DLGAP1: variants seen among roughly 807,000 people sequenced by gnomAD.
DLGAP1 encodes DLG associated protein 1.
A neutral mutation model predicts 90.8 loss-of-function variants in DLGAP1; 11 were observed. That is an observed-to-expected ratio of 0.12 (90% CI 0.08 to 0.20). The LOEUF (loss-of-function observed/expected upper bound fraction) is 0.20. Among genes scored for constraint, DLGAP1 ranks in the 10% least tolerant of loss-of-function variants. The probability of loss-of-function intolerance (pLI) is 1.00; values close to 1 mark genes in which losing one functional copy is unlikely to be tolerated. For synonymous variants in DLGAP1, 558 were observed against 540.7 expected, an observed-to-expected ratio of 1.03 and a Z score of -0.44; for missense variants, 1,050 against 1,333.8, an observed-to-expected ratio of 0.79 and a Z score of 3.31.
intron 4 of DLGAP1, among the ~76,000 whole-genome samples, chr18:3,854,172 C>T (rs2069498613): frequency 1.3e-5 from 2 of 152,140 alleles, no homozygotes; most frequent in Non-Finnish European, 2.9e-5. Flanking sequence ...AAAATGTAGA[C>T]TGGATAGGAG....
At chr18:3,619,227 A>G (rs1009882396) in intron 7 of DLGAP1, among the ~76,000 whole-genome samples, 3 of 152,196 alleles carry the variant, frequency 2.0e-5, no homozygotes, top group Non-Finnish European at 4.4e-5. Context: ...AAACTAACAT[A>G]CCCACAAACA....
chr18:4,385,112 A>G (rs147811052), intron 1 of DLGAP1, among the ~76,000 whole-genome samples: 2 of 152,292 alleles, frequency 1.3e-5, no homozygotes, highest in South Asian at 4.1e-4. Context: ...TACAGTAGGA[A>G]GGGAGGGTAG....
intron 1 of DLGAP1, among the ~76,000 whole-genome samples, chr18:4,322,947 A>C (rs1213266460): frequency 2.1e-4 from 13 of 62,286 alleles, no homozygotes; most frequent in African/African-American, 7.0e-4. Flanking sequence ...GGCACAGAAA[A>C]AAAAAAAAAA....
At chr18:4,093,906 G>A (rs747534616) in intron 2 of DLGAP1, among the ~76,000 whole-genome samples, 1 of 152,024 alleles carries the variant, frequency 6.6e-6, no homozygotes, top group Non-Finnish European at 1.5e-5. Flanking sequence ...ACATGCTAAT[G>A]TTCCCAGACT....
chr18:4,238,167 CCT>C (rs2078458003), intron 1 of DLGAP1, among the ~76,000 whole-genome samples: 1 of 152,144 alleles, frequency 6.6e-6, no homozygotes, highest in African/African-American at 2.4e-5. Context: ...AGGTAGGCTT[CCT>C]CTCTGTTTCA....
chr18:4,038,847 T>C (rs1447881153), intron 2 of DLGAP1, among the ~76,000 whole-genome samples: 1 of 152,160 alleles, frequency 6.6e-6, no homozygotes, highest in Non-Finnish European at 1.5e-5. Flanking sequence ...CCTCTGGCTG[T>C]GGTACTGCAA....
chr18:3,574,204 GTA>G (rs1238948483), intron 8 of DLGAP1, among the ~76,000 whole-genome samples: 1 of 152,022 alleles, frequency 6.6e-6, no homozygotes, highest in East Asian at 1.9e-4. Context: ...TATTTATTTA[GTA>G]TTTTCAAATA....
At chr18:3,733,897 C>T (rs934787283) in intron 6 of DLGAP1, among the ~76,000 whole-genome samples, 3 of 152,132 alleles carry the variant, frequency 2.0e-5, no homozygotes, top group African/African-American at 7.2e-5. Context: ...CCAATGATAA[C>T]TCAGTTTTCA....
At chr18:3,506,048 C>G (rs2143727504) in intron 11 of DLGAP1, among the ~76,000 whole-genome samples, 1 of 152,116 alleles carries the variant, frequency 6.6e-6, no homozygotes, top group Middle Eastern at 3.4e-3. Flanking sequence ...ATCAGCCTAG[C>G]CAACATGGTG....
At chr18:4,032,803 T>C (rs2074818114) in intron 2 of DLGAP1, among the ~76,000 whole-genome samples, 1 of 152,204 alleles carries the variant, frequency 6.6e-6, no homozygotes, top group Non-Finnish European at 1.5e-5. Flanking sequence ...ATCTTAAGGA[T>C]TGTTCTCAAT....
At chr18:4,411,612 AT>A (rs1403777460) in intron 1 of DLGAP1, among the ~76,000 whole-genome samples, 4 of 152,170 alleles carry the variant, frequency 2.6e-5, no homozygotes, top group African/African-American at 9.7e-5. Context: ...CTGGAGGTTG[AT>A]GGGCTCAGCG....
At chr18:4,304,879 T>G (rs2080211328) in intron 1 of DLGAP1, among the ~76,000 whole-genome samples, 1 of 150,860 alleles carries the variant, frequency 6.6e-6, no homozygotes, top group Admixed American at 6.6e-5. Flanking sequence ...TGCAGTGAGC[T>G]GAGATTGCAC....
At chr18:3,643,262 GGAAAGAAA>G (rs202023355) in intron 7 of DLGAP1, among the ~76,000 whole-genome samples, 9 of 151,682 alleles carry the variant, frequency 5.9e-5, no homozygotes, top group African/African-American at 1.9e-4. Flanking sequence ...AAAGAAGAAA[GGAAAGAAA>G]GAAAGAGAGA....
At chr18:4,028,952 A>G (rs2074748803) in intron 2 of DLGAP1, among the ~76,000 whole-genome samples, 1 of 152,154 alleles carries the variant, frequency 6.6e-6, no homozygotes, top group Admixed American at 6.5e-5. Flanking sequence ...GTTGGACACT[A>G]GGGCTCTTGA....
intron 5 of DLGAP1, among the ~76,000 whole-genome samples, chr18:3,765,357 C>A (rs2064188137): frequency 6.6e-6 from 1 of 150,614 alleles, no homozygotes; most frequent in African/African-American, 2.4e-5. Context: ...GTCTCGATCT[C>A]CTGACCTCAT....
At chr18:3,885,124 C>A (rs2071274936) in intron 3 of DLGAP1, among the ~76,000 whole-genome samples, 1 of 152,212 alleles carries the variant, frequency 6.6e-6, no homozygotes, top group South Asian at 2.1e-4. Flanking sequence ...CTGGTGGCAC[C>A]TACTATGGAG....
chr18:3,732,696 T>C (rs1439400624), intron 6 of DLGAP1, among the ~76,000 whole-genome samples: 1 of 152,200 alleles, frequency 6.6e-6, no homozygotes, highest in African/African-American at 2.4e-5. Flanking sequence ...GGGGGTCTTT[T>C]TGACATGAAA....
intron 3 of DLGAP1, among the ~76,000 whole-genome samples, chr18:3,985,846 A>G (rs1327938095): frequency 6.6e-6 from 1 of 152,182 alleles, no homozygotes; most frequent in Non-Finnish European, 1.5e-5. Context: ...GCATACACTT[A>G]AATGAATTTT....
intron 3 of DLGAP1, among the ~76,000 whole-genome samples, chr18:3,910,913 T>G (rs1378867007): frequency 6.6e-6 from 1 of 152,188 alleles, no homozygotes; most frequent in African/African-American, 2.4e-5. Context: ...GGACAAGATT[T>G]CTATAAAACC....
Sources: gnomAD v4.1 joint callset for allele counts (sites outside exome capture counted in the v4.1 genomes callset) on GRCh38, gnomAD v4.1.1 for gene constraint, MANE v1.5 for transcripts, NCBI Gene and HGNC (gene_info 2026-07-23, HGNC 2026-07-21) for gene names.